Variants in BCOR observed in about 807,000 individuals in gnomAD.
BCOR encodes the protein BCL-6 corepressor.
Under a neutral mutation model 86.7 loss-of-function variants are expected in BCOR, and 10 were observed. That is an observed-to-expected ratio of 0.12 (90% CI 0.07 to 0.20). The LOEUF (loss-of-function observed/expected upper bound fraction) is 0.20. BCOR is among the 10% of genes least tolerant of loss of function. The pLI, the probability that BCOR is intolerant of heterozygous loss-of-function variation, is 1.00. For synonymous variants in BCOR, 611 were observed against 609.0 expected (o/e 1.00, Z -0.05); for missense variants, 1,259 against 1,452.1 (o/e 0.87, Z 2.16).
At chrX:40,133,397 A>G (rs1937623101) in intron 1 of BCOR, among the ~76,000 whole-genome samples, 1 of 109,261 alleles carries the variant, frequency 9.2e-6, no homozygotes, top group Non-Finnish European at 1.9e-5. Flanking sequence ...CGGCCTCCCG[A>G]AGTGCTGGGA....
chrX:40,175,591 C>T (rs1204502691), intron 1 of BCOR, among the ~76,000 whole-genome samples: 1 of 113,312 alleles, frequency 8.8e-6, no homozygotes, highest in Middle Eastern at 4.2e-3. Flanking sequence ...CACCGCCGCC[C>T]TCGCCAACCT....
At chrX:40,066,660 T>C (rs780287908) in intron 6 of BCOR, among the ~76,000 whole-genome samples, 1 of 111,968 alleles carries the variant, frequency 8.9e-6, no homozygotes, top group South Asian at 3.7e-4. Context: ...CTGAAAGCCC[T>C]GTGGGAGGGG....
intron 1 of BCOR, among the ~76,000 whole-genome samples, chrX:40,160,515 CAAA>C (rs774697720): frequency 3.3e-5 from 2 of 60,410 alleles, no homozygotes. Context: ...GACCCTGTCT[CAAA>C]AAAAAAAAAA....
chrX:40,107,927 G>A (rs896705025), intron 1 of BCOR, among the ~76,000 whole-genome samples: 2 of 113,800 alleles, frequency 1.8e-5, no homozygotes, highest in Admixed American at 9.2e-5. Flanking sequence ...ATGTGTCTGT[G>A]TGGAGCCTTC....
At chrX:40,153,627 C>G (rs986126526) in intron 1 of BCOR, among the ~76,000 whole-genome samples, 11 of 111,904 alleles carry the variant, frequency 9.8e-5, no homozygotes, top group Non-Finnish European at 2.1e-4. Flanking sequence ...TTCCCCTGGG[C>G]TCGCTGGGTT....
chrX:40,143,605 T>C (rs1013993567), intron 1 of BCOR, among the ~76,000 whole-genome samples: 1 of 112,765 alleles, frequency 8.9e-6, no homozygotes, highest in Non-Finnish European at 1.9e-5. Context: ...CAAAAAACTT[T>C]GGAGTAGGAA....
intron 1 of BCOR, among the ~76,000 whole-genome samples, chrX:40,096,182 G>T (rs1275305314): frequency 8.9e-6 from 1 of 112,179 alleles, no homozygotes; most frequent in African/African-American, 3.2e-5. Context: ...CTTGCCACAC[G>T]CCCTCCGAGT....
rs2146997096 is a variant in BCOR, at chrX:40,062,129, A to G, written c.4428+10T>C. ...GCCTGCAGCCCCAGGGAGCGCCCAC[A>G]GGGACACACCTCATAGCCAAGCCTG... On this transcript the variant is annotated intron_variant, in intron 10 of 14. Transcript: ENST00000378444. 1 of 1,196,645 alleles carries G rather than the reference A, an allele frequency of 8.4e-7. No individual in the cohort carries two copies. The highest frequency in any genetic ancestry group is 1.7e-5 in the African/African-American group (1 of 57,347).
intron 1 of BCOR, among the ~76,000 whole-genome samples, chrX:40,141,027 G>A (rs1464515550): frequency 8.9e-6 from 1 of 112,678 alleles, no homozygotes; most frequent in African/African-American, 3.2e-5. Flanking sequence ...AGCTCTGGGT[G>A]AAGGGATTTT....
At chrX:40,138,425 G>A (rs1937735592) in intron 1 of BCOR, among the ~76,000 whole-genome samples, 1 of 112,082 alleles carries the variant, frequency 8.9e-6, no homozygotes, top group South Asian at 3.7e-4. Flanking sequence ...GGAAAACTCG[G>A]AGGCCATCAA....
At position 40,118,981 on chromosome X, in the gene BCOR, C is replaced by T. The variant is rs1015200405; in HGVS notation, c.-40-41012G>A. Among the ~76,000 whole-genome samples, 3 of 112,137 alleles carry T rather than the reference C, an allele frequency of 2.7e-5. No homozygotes were observed. In the East Asian group the frequency reaches 8.4e-4, roughly 32 times the overall value. ...CCGAGTAGCTGGGATTACAGGCATG[C>T]GCCACCACGCCCAGCTAATTTTTGT... On this transcript the variant is annotated intron_variant, in intron 1 of 14. Transcript: ENST00000342274.
intron 1 of BCOR, among the ~76,000 whole-genome samples, chrX:40,094,016 G>A (rs949989673): frequency 1.8e-5 from 2 of 111,348 alleles, no homozygotes; most frequent in Non-Finnish European, 3.8e-5. Flanking sequence ...GCACACATAA[G>A]AGAAAGGAAA....
intron 14 of BCOR, among the ~76,000 whole-genome samples, 165 bp from the exon 15 acceptor site, chrX:40,052,565 T>A (rs1211697009): frequency 1.7e-5 from 1 of 57,291 alleles, no homozygotes; most frequent in Non-Finnish European, 3.1e-5. Context: ...ATTTTTTTTT[T>A]TTTTTTTTTT....
intron 1 of BCOR, among the ~76,000 whole-genome samples, chrX:40,144,389 G>A (rs1937993977): frequency 9.0e-6 from 1 of 111,685 alleles, no homozygotes; most frequent in Admixed American, 9.5e-5. Context: ...GCTCGCCTTT[G>A]ATGTGTGAAG....
intron 8 of BCOR, 39 bp from the exon 9 acceptor site, chrX:40,063,110 G>GGGGGGGGC: frequency 3.1e-6 from 2 of 644,557 alleles, no homozygotes; most frequent in Non-Finnish European, 4.5e-6. Flanking sequence ...GGGCGGATGG[G>GGGGGGGGC]AGACGGGAGA....
upstream of BCOR, among the ~76,000 whole-genome samples, chrX:40,101,248 C>A (rs963390224): frequency 1.8e-5 from 2 of 111,543 alleles, no homozygotes; most frequent in Non-Finnish European, 3.8e-5. Flanking sequence ...CGGTTTGGCC[C>A]TTCTCCTGCC....
At chrX:40,135,818 A>T (rs1323655129) in intron 1 of BCOR, among the ~76,000 whole-genome samples, 1 of 112,206 alleles carries the variant, frequency 8.9e-6, no homozygotes, top group Non-Finnish European at 1.9e-5. Flanking sequence ...GGGTAATGTA[A>T]TTATTGCATG....
At chrX:40,094,590 T>C (rs1012102718) in intron 1 of BCOR, among the ~76,000 whole-genome samples, 6 of 113,257 alleles carry the variant, frequency 5.3e-5, no homozygotes, top group Non-Finnish European at 1.1e-4. Flanking sequence ...ACAGGCGTCG[T>C]GCTTAGAGAA....
At chrX:40,078,295 C>T (rs1935911043) in intron 1 of BCOR, among the ~76,000 whole-genome samples, 1 of 112,488 alleles carries the variant, frequency 8.9e-6, no homozygotes. Flanking sequence ...GTACAGTGGT[C>T]ATTCATTCTT....
Sources: allele counts gnomAD v4.1 joint callset (sites outside exome capture counted in the v4.1 genomes callset), GRCh38; gene constraint gnomAD v4.1.1; transcripts MANE v1.5; gene names NCBI Gene and HGNC (gene_info 2026-07-23, HGNC 2026-07-21).